Variants in ZNF451 observed in about 807,000 individuals in gnomAD.
ZNF451 encodes zinc finger protein 451.
A neutral mutation model predicts 107.1 loss-of-function variants in ZNF451; 80 were observed. The ratio of observed to expected loss-of-function variants is 0.75; its 90% CI spans 0.62 to 0.90. The LOEUF (loss-of-function observed/expected upper bound fraction) is 0.90. ZNF451 is among the 40% of genes least tolerant of loss of function. The pLI, the probability that ZNF451 is intolerant of heterozygous loss-of-function variation, is 0.00. For missense variants in ZNF451, 1,107 were observed against 1,236.2 expected, an observed-to-expected ratio of 0.90 and a Z score of 1.57; for synonymous variants, 362 against 406.5, an observed-to-expected ratio of 0.89 and a Z score of 1.32.
At chr6:57,098,435 T>A (rs1039254053) in intron 2 of ZNF451, among the ~76,000 whole-genome samples, 2 of 152,130 alleles carry the variant, frequency 1.3e-5, no homozygotes, top group African/African-American at 4.8e-5. Context: ...CATTGTCATG[T>A]GCCTATACTG....
At chr6:57,106,037 A>G (rs1481658778) in intron 3 of ZNF451, 1 of 983,702 alleles carries the variant, frequency 1.0e-6, no homozygotes, top group African/African-American at 1.7e-5. Context: ...GTACTACACT[A>G]ATAATTTACT....
intron 7 of ZNF451, among the ~76,000 whole-genome samples, chr6:57,135,849 C>T (rs558409874): frequency 5.9e-5 from 9 of 151,930 alleles, no homozygotes; most frequent in South Asian, 4.2e-4. Context: ...TTGGATTTAC[C>T]GAATAAATAT....
intron 5 of ZNF451, among the ~76,000 whole-genome samples, chr6:57,131,242 C>A (rs190537830): frequency 1.6e-4 from 25 of 152,018 alleles, no homozygotes; most frequent in South Asian, 4.2e-4. Context: ...TTAGAGTTGG[C>A]CAGTTTGCAT....
chr6:57,144,726 C>T (rs1198120281), intron 9 of ZNF451, among the ~76,000 whole-genome samples: 3 of 151,894 alleles, frequency 2.0e-5, no homozygotes, highest in Admixed American at 6.6e-5. Context: ...CTCAGGAGTT[C>T]GAGACCAGCC....
chr6:57,101,599 A>G, intron 3 of ZNF451: 1 of 1,550,850 alleles, frequency 6.4e-7, no homozygotes, highest in Non-Finnish European at 8.7e-7. Flanking sequence ...CATGGCCTAT[A>G]TGACTCAATA....
In ZNF451 at chr6:57,148,232, C is replaced by T. The variant is rs768923696; in HGVS notation, c.2147C>T (p.Thr716Ile). 9 of 1,613,924 alleles carry T rather than the reference C, an allele frequency of 5.6e-6. No homozygotes were observed. Among genetic ancestry groups the T allele is most frequent in the Middle Eastern group, 1.6e-4 (1 of 6,062 alleles). ...GAAGATGATTTTCCAGTAATAGAGA[C>T]CAGTAACCAGTTAACTTGTGGTTGC... Reference protein sequence around the residue: ...KTEDDFPVIETSNQLTCGCRE... With the variant: ...KTEDDFPVIEISNQLTCGCRE... The change falls in exon 10 of 15, where the codon ACC becomes ATC. Residue 716 changes from threonine (T) to isoleucine (I), a missense_variant. By Grantham distance (89) the Thr-to-Ile change is moderately conservative. Coordinates refer to ENST00000370706, the MANE Select transcript of ZNF451 (RefSeq NM_001031623.3).
Position 57,105,329 on chromosome 6 carries a change from A to G in ZNF451, c.186+6188A>G, listed in dbSNP as rs942320600. The G allele has an allele frequency of 4.1e-6, 4 of 984,008 alleles. No homozygotes were observed. The African/African-American group carries it at 5.2e-5, about 13-fold the overall frequency. 61.0% of individuals were successfully genotyped at this position (984,008 alleles called of 1,614,324 possible). On this transcript the variant is annotated intron_variant, in intron 3 of 14. Transcript: ENST00000370706. ...GATATACAATGTATATAGAGACAATATGGTTTCTTGTAGTTACTGTGTATA... is the reference window on the plus strand; with the variant it reads ...GATATACAATGTATATAGAGACAATGTGGTTTCTTGTAGTTACTGTGTATA...
intron 13 of ZNF451, 34 bp downstream of exon 13, chr6:57,154,081 AGAG>A (rs1451685187): frequency 2.5e-5 from 40 of 1,610,870 alleles, no homozygotes; most frequent in Non-Finnish European, 3.3e-5. Context: ...AAACCACCCA[AGAG>A]GAGGAGACTT....
At chr6:57,125,542 C>CAGTA (rs1218266653) in intron 4 of ZNF451, among the ~76,000 whole-genome samples, 8 of 152,088 alleles carry the variant, frequency 5.3e-5, no homozygotes, top group African/African-American at 1.9e-4. Context: ...GTTTAGATTT[C>CAGTA]AGTAGATCAC....
In ZNF451 at chr6:57,099,079, G is replaced by A. The variant is rs761897875; in HGVS notation, c.124G>A (p.Val42Ile). Residue 42 changes from valine to isoleucine, a missense_variant, in exon 3 of 15, where the codon GTT becomes ATT. This residue lies in a region of ZNF451 where 339 missense variants were observed against 372.8 expected (regional missense o/e 0.91). Coordinates refer to ENST00000370706, the MANE Select transcript of ZNF451 (RefSeq NM_001031623.3). ...TTTATAGGAAGGACCATTACGACCT[G>A]TTCTTGAATACATTGATCTGGTCAG... The part of the protein sequence containing the change: ...QFVSEGPLRP[V>I]LEYIDLVSSD... The A allele has an allele frequency of 1.2e-6, 2 of 1,613,640 alleles. No homozygotes were observed. The highest frequency in any genetic ancestry group is 1.7e-6 in the Non-Finnish European group (2 of 1,179,764).
At chr6:57,159,176 G>T in intron 13 of ZNF451, 2 of 985,290 alleles carry the variant, frequency 2.0e-6, no homozygotes, top group Non-Finnish European at 2.4e-6. Context: ...GATTTTCTCT[G>T]TTCTTCTGAT....
At chr6:57,101,855 A>G in intron 3 of ZNF451, 3 of 1,550,574 alleles carry the variant, frequency 1.9e-6, no homozygotes, top group Non-Finnish European at 2.6e-6. Context: ...TTGCCCTTTG[A>G]TGGTACTTCC....
chr6:57,126,532 G>C (rs1464430404), intron 4 of ZNF451: 8 of 152,032 alleles, frequency 5.3e-5, no homozygotes, highest in African/African-American at 1.4e-4. Flanking sequence ...ACTATTGTAG[G>C]CCTTTGTGAA....
chr6:57,103,518 G>A, intron 3 of ZNF451: 1 of 985,328 alleles, frequency 1.0e-6, no homozygotes, highest in Non-Finnish European at 1.2e-6. Context: ...TAGACTCAAG[G>A]TAGTGGATGT....
intron 2 of ZNF451, among the ~76,000 whole-genome samples, chr6:57,098,172 G>A (rs1173051872): frequency 4.0e-5 from 6 of 149,368 alleles, no homozygotes; most frequent in Non-Finnish European, 7.4e-5. Flanking sequence ...GTTTTACCAT[G>A]TTGGTCAGGC....
At chr6:57,103,172 A>C in intron 3 of ZNF451, 1 of 985,426 alleles carries the variant, frequency 1.0e-6, no homozygotes, top group African/African-American at 1.7e-5. Context: ...CATGCCTGAC[A>C]ATCTTGTCCC....
rs1395339134 is a variant in ZNF451 at position 57,134,836 on chromosome 6, C to T, written c.668C>T (p.Thr223Ile). 2 of 1,609,942 alleles carry T rather than the reference C, an allele frequency of 1.2e-6. No homozygotes were observed. Among genetic ancestry groups the T allele is most frequent in the East Asian group, 2.2e-5 (1 of 44,784 alleles). The change falls in exon 7 of 15, where the codon ACT becomes ATT. Residue 223 changes from threonine to isoleucine, a missense_variant. By Grantham distance (89) the Thr-to-Ile change is moderately conservative. Around this residue, in one of 5 missense-constraint regions of ZNF451, gnomAD observed 339 missense variants for 372.8 expected, o/e 0.91. Coordinates refer to ENST00000370706, the MANE Select transcript of ZNF451 (RefSeq NM_001031623.3). ...GTAGTATGTTATAAAAAATTTGTTACTCAACAACAATATAGAGATCACCTT... is the reference window on the plus strand; with the variant it reads ...GTAGTATGTTATAAAAAATTTGTTATTCAACAACAATATAGAGATCACCTT... ...ACVVCYKKFV[T>I]QQQYRDHLFD...
chr6:57,150,968 A>C, intron 11 of ZNF451, 106 bp downstream of exon 11: 1 of 1,301,596 alleles, frequency 7.7e-7, no homozygotes, highest in Non-Finnish European at 1.1e-6. Context: ...ATAGGAACAT[A>C]ATTGGAATAT....
chr6:57,151,046 C>A, intron 11 of ZNF451, 184 bp downstream of exon 11: 1 of 668,800 alleles, frequency 1.5e-6, no homozygotes, highest in Non-Finnish European at 2.3e-6. Context: ...TAAATGTTAG[C>A]TCTATCTGGT....
Sources: allele counts gnomAD v4.1 joint callset (sites outside exome capture counted in the v4.1 genomes callset), GRCh38; gene constraint gnomAD v4.1.1; regional missense constraint gnomAD v4.1.1; transcripts MANE v1.5; gene names NCBI Gene and HGNC (gene_info 2026-07-23, HGNC 2026-07-21).